The following LHFPL3 variants were observed in gnomAD, a reference collection of about 807,000 sequenced individuals.
LHFPL3 encodes the protein LHFPL tetraspan subfamily member 3.
LHFPL3 carries 5 observed loss-of-function variants against 19.3 expected under a neutral mutation model. That is an observed-to-expected ratio of 0.26 (90% CI 0.14 to 0.54). The LOEUF (loss-of-function observed/expected upper bound fraction) is 0.54, where lower values mean the gene tolerates loss of function less well. Ranked by LOEUF, LHFPL3 falls within the 20% of genes least tolerant of loss-of-function variation. The pLI is 0.94. For synonymous variants in LHFPL3, 133 were observed against 126.2 expected (o/e 1.05, Z -0.36); for missense variants, 249 against 307.4 (o/e 0.81, Z 1.42).
chr7:104,900,779 A>G (rs1030098188), intron 2 of LHFPL3, among the ~76,000 whole-genome samples: 1 of 152,252 alleles, frequency 6.6e-6, no homozygotes, highest in Middle Eastern at 3.2e-3. Flanking sequence ...CAGTGATTCA[A>G]ATGACAGCTT....
intron 1 of LHFPL3, among the ~76,000 whole-genome samples, chr7:104,385,567 G>A (rs1284616749): frequency 1.3e-5 from 2 of 152,128 alleles, no homozygotes; most frequent in East Asian, 3.9e-4. Flanking sequence ...CAGCCAATCT[G>A]TCTCTCTTGG....
At chr7:104,529,064 C>T (rs1794243489) in intron 1 of LHFPL3, among the ~76,000 whole-genome samples, 1 of 152,168 alleles carries the variant, frequency 6.6e-6, no homozygotes, top group African/African-American at 2.4e-5. Context: ...CAGCTCCAGG[C>T]TCATAGGACC....
intron 2 of LHFPL3, among the ~76,000 whole-genome samples, chr7:104,782,549 T>G (rs1349829595): frequency 6.6e-6 from 1 of 152,236 alleles, no homozygotes; most frequent in Non-Finnish European, 1.5e-5. Context: ...TTCTCCTGGC[T>G]TACTGCAATG....
chr7:104,863,522 C>A (rs528064490), intron 2 of LHFPL3, among the ~76,000 whole-genome samples: 1 of 152,374 alleles, frequency 6.6e-6, no homozygotes, highest in South Asian at 2.1e-4. Flanking sequence ...TGAGCTGCCT[C>A]AGGACAGCTT....
At chr7:104,569,106 A>G (rs1192866425) in intron 1 of LHFPL3, among the ~76,000 whole-genome samples, 1 of 152,174 alleles carries the variant, frequency 6.6e-6, no homozygotes, top group Non-Finnish European at 1.5e-5. Flanking sequence ...CTCTGGATAG[A>G]TGGACAACTG....
chr7:104,509,285 A>C (rs988799290), intron 1 of LHFPL3, among the ~76,000 whole-genome samples: 2 of 151,920 alleles, frequency 1.3e-5, no homozygotes, highest in African/African-American at 4.8e-5. Context: ...AAAGGAAAGA[A>C]AGACAGAAAC....
At chr7:104,561,572 G>A (rs1451591693) in intron 1 of LHFPL3, among the ~76,000 whole-genome samples, 1 of 151,980 alleles carries the variant, frequency 6.6e-6, no homozygotes, top group Non-Finnish European at 1.5e-5. Flanking sequence ...GAGCCTATGT[G>A]TGTCTCTGCA....
At chr7:104,809,237 G>C (rs1364000493) in intron 2 of LHFPL3, among the ~76,000 whole-genome samples, 2 of 152,156 alleles carry the variant, frequency 1.3e-5, no homozygotes, top group Non-Finnish European at 2.9e-5. Flanking sequence ...ACAAGCATAA[G>C]GTACAGATAT....
intron 1 of LHFPL3, among the ~76,000 whole-genome samples, chr7:104,580,885 G>C (rs150440561): frequency 6.1e-4 from 92 of 151,962 alleles, no homozygotes; most frequent in African/African-American, 2.2e-3. Context: ...TTTATCTTGA[G>C]TAATATTCCA....
At chr7:104,463,536 A>C (rs1792716518) in intron 1 of LHFPL3, among the ~76,000 whole-genome samples, 1 of 152,328 alleles carries the variant, frequency 6.6e-6, no homozygotes, top group East Asian at 1.9e-4. Context: ...TAACTTATAA[A>C]GGAAGAAGTT....
intron 2 of LHFPL3, among the ~76,000 whole-genome samples, chr7:104,904,233 G>A (rs907113459): frequency 2.6e-5 from 4 of 152,120 alleles, no homozygotes; most frequent in African/African-American, 4.8e-5. Context: ...ATGTGGATAC[G>A]ATTTTTTTAA....
At chr7:104,615,805 C>T (rs145992059) in intron 1 of LHFPL3, among the ~76,000 whole-genome samples, 5 of 151,958 alleles carry the variant, frequency 3.3e-5, no homozygotes, top group Admixed American at 6.6e-5. Flanking sequence ...GTTAGTTTGC[C>T]GAATGATGGT....
At chr7:104,468,812 C>G (rs891157240) in intron 1 of LHFPL3, among the ~76,000 whole-genome samples, 19 of 151,994 alleles carry the variant, frequency 1.3e-4, no homozygotes, top group African/African-American at 4.1e-4. Flanking sequence ...GTGCCTGCCA[C>G]CACACCCAGC....
chr7:104,687,716 C>G (rs1792832173), intron 1 of LHFPL3, among the ~76,000 whole-genome samples: 1 of 152,214 alleles, frequency 6.6e-6, no homozygotes, highest in Non-Finnish European at 1.5e-5. Flanking sequence ...TCTGGACCAG[C>G]ATCTGGAAGC....
chr7:104,556,662 T>A (rs1374736854), intron 1 of LHFPL3, among the ~76,000 whole-genome samples: 5 of 152,360 alleles, frequency 3.3e-5, no homozygotes, highest in African/African-American at 1.2e-4. Context: ...CCCATTGTCT[T>A]GGTGATTAAC....
chr7:104,651,037 A>C (rs1476769839), intron 1 of LHFPL3, among the ~76,000 whole-genome samples: 1 of 152,204 alleles, frequency 6.6e-6, no homozygotes, highest in African/African-American at 2.4e-5. Flanking sequence ...GGAGTACAGC[A>C]GCGGGGTAAG....
intron 2 of LHFPL3, chr7:104,798,456 A>T (rs1276560762): frequency 6.6e-6 from 1 of 152,212 alleles, no homozygotes; most frequent in Admixed American, 6.5e-5. Context: ...ATTAAAATAT[A>T]TTTTAGTTTT....
intron 1 of LHFPL3, among the ~76,000 whole-genome samples, chr7:104,555,637 G>A (rs1794749937): frequency 6.6e-6 from 1 of 152,088 alleles, no homozygotes; most frequent in South Asian, 2.1e-4. Context: ...ATGAGATTTG[G>A]GTGGGGACAC....
chr7:104,542,681 C>T (rs1794509818), intron 1 of LHFPL3, among the ~76,000 whole-genome samples: 1 of 152,130 alleles, frequency 6.6e-6, no homozygotes, highest in Non-Finnish European at 1.5e-5. Flanking sequence ...GCTAAAACCA[C>T]CCAGTGCATG....
Sources: allele counts gnomAD v4.1 joint callset (sites outside exome capture counted in the v4.1 genomes callset), GRCh38; gene constraint gnomAD v4.1.1; transcripts MANE v1.5; gene names NCBI Gene and HGNC (gene_info 2026-07-23, HGNC 2026-07-21).